ARHGAP15: variants seen among roughly 807,000 people sequenced by gnomAD.
The protein encoded by ARHGAP15 is Rho GTPase activating protein 15.
Under a neutral mutation model 63.7 loss-of-function variants are expected in ARHGAP15, and 51 were observed. That is an observed-to-expected ratio of 0.80 (90% CI 0.64 to 1.01). The LOEUF (loss-of-function observed/expected upper bound fraction) is 1.01, where lower values mean the gene tolerates loss of function less well. ARHGAP15 is among the 50% of genes least tolerant of loss of function. The probability of loss-of-function intolerance (pLI) is 0.00; values close to 1 mark genes in which losing one functional copy is unlikely to be tolerated. For missense variants in ARHGAP15, 560 were observed against 564.6 expected (o/e 0.99, Z 0.08); for synonymous variants, 191 against 193.8 (o/e 0.99, Z 0.12).
In ARHGAP15 at chr2:143,431,079, A is replaced by G. The variant is rs141457218; in HGVS notation, c.475-4522A>G. ...AAGAGAGTGCTTGTTTTTGGAAAGA[A>G]AAATCAGAGCTAGGATTTTGCATGA... On this transcript the variant is annotated intron_variant, in intron 6 of 13. Coordinates refer to ENST00000295095, the MANE Select transcript of ARHGAP15 (RefSeq NM_018460.4). Among the ~76,000 whole-genome samples the G allele has an allele frequency of 9.0e-4, 137 of 152,190 alleles. No individual in the cohort carries two copies. The East Asian group carries it at 0.025, about 28-fold the overall frequency.
At chr2:143,272,731 G>A (rs1291517994) in intron 6 of ARHGAP15, among the ~76,000 whole-genome samples, 2 of 152,112 alleles carry the variant, frequency 1.3e-5, no homozygotes, top group African/African-American at 4.8e-5. Context: ...AGAGTATTAT[G>A]TTCTCTCTCT....
chr2:143,655,579 C>T (rs1681393364), intron 12 of ARHGAP15, among the ~76,000 whole-genome samples: 1 of 152,100 alleles, frequency 6.6e-6, no homozygotes, highest in African/African-American at 2.4e-5. Context: ...TTCCTTTCTT[C>T]CCCATAGTAG....
chr2:143,420,449 A>T (rs1028960534), intron 6 of ARHGAP15, among the ~76,000 whole-genome samples: 1 of 152,204 alleles, frequency 6.6e-6, no homozygotes, highest in East Asian at 1.9e-4. Flanking sequence ...GCCTTGTGCC[A>T]TCACATCATC....
At chr2:143,480,318 G>C (rs1174197180) in intron 8 of ARHGAP15, among the ~76,000 whole-genome samples, 1 of 152,146 alleles carries the variant, frequency 6.6e-6, no homozygotes, top group African/African-American at 2.4e-5. Flanking sequence ...ATGCAAAAAT[G>C]TGGTTAGATT....
chr2:143,683,949 G>T (rs964954128), intron 12 of ARHGAP15, among the ~76,000 whole-genome samples: 4 of 152,022 alleles, frequency 2.6e-5, no homozygotes, highest in African/African-American at 9.7e-5. Flanking sequence ...AGGATAGCAA[G>T]GTTATACCAA....
rs147555256 is a variant in ARHGAP15 at position 143,168,548 on chromosome 2, A to G, written c.165+12893A>G. 6.7e-3 allele frequency among the ~76,000 whole-genome samples: 1,022 copies of G among 152,264 alleles called. 9 individuals are homozygous for G. Among genetic ancestry groups the G allele is most frequent in the Admixed American group, 0.02 (313 of 15,274 alleles). ...ATCTTGCTGCCTTTCAAGTAACACT[A>G]AAAAGTAACCATGGTTTTCTGTGGA... On this transcript the variant is annotated intron_variant, in intron 2 of 13. Coordinates refer to ENST00000295095, the MANE Select transcript of ARHGAP15 (RefSeq NM_018460.4).
intron 1 of ARHGAP15, among the ~76,000 whole-genome samples, chr2:143,142,576 G>A (rs1417904447): frequency 2.0e-5 from 3 of 152,086 alleles, no homozygotes; most frequent in Non-Finnish European, 2.9e-5. Context: ...TGCATCAACT[G>A]TTATTTTTGA....
intron 6 of ARHGAP15, among the ~76,000 whole-genome samples, chr2:143,365,928 T>A (rs1251994371): frequency 6.6e-6 from 1 of 152,202 alleles, no homozygotes; most frequent in Non-Finnish European, 1.5e-5. Flanking sequence ...TTTCGATTCT[T>A]CTAGAAAGCT....
chr2:143,153,809 CTT>C (rs1468264082), intron 1 of ARHGAP15, among the ~76,000 whole-genome samples: 16 of 71,660 alleles, frequency 2.2e-4, no homozygotes, highest in East Asian at 5.1e-4. Flanking sequence ...TCTTCTTCTT[CTT>C]CTTCTTCTTC....
intron 9 of ARHGAP15, among the ~76,000 whole-genome samples, chr2:143,509,142 C>T (rs1574551912): frequency 6.6e-6 from 1 of 152,096 alleles, no homozygotes; most frequent in Non-Finnish European, 1.5e-5. Context: ...CTAGTCTCTC[C>T]GTAGCAGATA....
At chr2:143,201,220 C>T (rs1226669568) in intron 2 of ARHGAP15, among the ~76,000 whole-genome samples, 1 of 151,226 alleles carries the variant, frequency 6.6e-6, no homozygotes, top group South Asian at 2.1e-4. Flanking sequence ...GTGATTCTCC[C>T]ACTTGAGCCT....
chr2:143,760,453 T>C (rs1712959), intron 13 of ARHGAP15, among the ~76,000 whole-genome samples: 76,339 of 151,808 alleles, frequency 0.5, 21,167 homozygotes, highest in African/African-American at 0.75. Flanking sequence ...ACATATATTC[T>C]AATAAGAAAT....
chr2:143,284,056 C>A (rs765541077), intron 6 of ARHGAP15, among the ~76,000 whole-genome samples: 2 of 152,126 alleles, frequency 1.3e-5, no homozygotes, highest in Non-Finnish European at 2.9e-5. Flanking sequence ...ATTCTCCACC[C>A]CTCGATCGCC....
chr2:143,736,343 C>T (rs1685743819), intron 13 of ARHGAP15, among the ~76,000 whole-genome samples: 1 of 151,768 alleles, frequency 6.6e-6, no homozygotes, highest in South Asian at 2.1e-4. Context: ...TTGCAGTGAG[C>T]CCAGATTGTA....
intron 2 of ARHGAP15, among the ~76,000 whole-genome samples, chr2:143,194,095 T>A (rs932669354): frequency 6.6e-6 from 1 of 152,208 alleles, no homozygotes; most frequent in Non-Finnish European, 1.5e-5. Flanking sequence ...GATTTGACAA[T>A]GATTTGTTTT....
intron 11 of ARHGAP15, among the ~76,000 whole-genome samples, chr2:143,610,722 T>TTTA (rs777276943): frequency 2.3e-3 from 180 of 77,528 alleles, no homozygotes; most frequent in Non-Finnish European, 3.7e-3. Flanking sequence ...GTTCAGTGTA[T>TTTA]TTATTTATTT....
chr2:143,533,641 G>A (rs1050967814), intron 10 of ARHGAP15, among the ~76,000 whole-genome samples: 1 of 152,186 alleles, frequency 6.6e-6, no homozygotes, highest in Non-Finnish European at 1.5e-5. Flanking sequence ...ATAAGGCAAA[G>A]AAAGGGAAAA....
chr2:143,625,822 T>A (rs1029322479), intron 12 of ARHGAP15, among the ~76,000 whole-genome samples: 2 of 152,180 alleles, frequency 1.3e-5, no homozygotes, highest in African/African-American at 2.4e-5. Flanking sequence ...AAATTTCACA[T>A]CATCATCTCC....
intron 4 of ARHGAP15, chr2:143,228,172 C>G (rs1693291743): frequency 6.6e-6 from 1 of 152,652 alleles, no homozygotes; most frequent in Non-Finnish European, 1.5e-5. Context: ...GTTTTTAAGA[C>G]TGAAATACAC....
Sources: allele counts gnomAD v4.1 joint callset (sites outside exome capture counted in the v4.1 genomes callset), GRCh38; gene constraint gnomAD v4.1.1; transcripts MANE v1.5; gene names NCBI Gene and HGNC (gene_info 2026-07-23, HGNC 2026-07-21).